NUP93: variants seen among roughly 807,000 people sequenced by gnomAD.
NUP93 encodes the protein nucleoporin 93.
Under a neutral mutation model 107.8 loss-of-function variants are expected in NUP93, and 55 were observed. The ratio of observed to expected loss-of-function variants is 0.51; its 90% CI spans 0.41 to 0.64. The LOEUF (loss-of-function observed/expected upper bound fraction) is 0.64. Ranked by LOEUF, NUP93 falls within the 30% of genes least tolerant of loss-of-function variation. NUP93 has a pLI of 0.00. For missense variants in NUP93, 937 were observed against 1,044.7 expected (o/e 0.90, Z 1.42); for synonymous variants, 390 against 397.5 (o/e 0.98, Z 0.22).
At chr16:56,823,673 C>A in intron 7 of NUP93, 34 bp from the exon 8 acceptor site, 2 of 1,609,204 alleles carry the variant, frequency 1.2e-6, no homozygotes, top group Non-Finnish European at 8.5e-7. Context: ...TCTGGCCCTG[C>A]AGCATTGTCA....
At chr16:56,750,834 T>A (rs1173590648) in intron 2 of NUP93, among the ~76,000 whole-genome samples, 1 of 152,150 alleles carries the variant, frequency 6.6e-6, no homozygotes, top group East Asian at 1.9e-4. Context: ...ATAAAATGAA[T>A]GAATACCCAT....
chr16:56,841,010 A>T (rs1964014343), intron 20 of NUP93, among the ~76,000 whole-genome samples: 2 of 152,120 alleles, frequency 1.3e-5, no homozygotes, highest in African/African-American at 4.8e-5. Context: ...AAAAAAAAAA[A>T]AAAGTTTCTA....
At chr16:56,788,776 T>C (rs1962686596) in intron 3 of NUP93, among the ~76,000 whole-genome samples, 1 of 152,206 alleles carries the variant, frequency 6.6e-6, no homozygotes, top group African/African-American at 2.4e-5. Flanking sequence ...CTTGATACTG[T>C]GGTGTAGGTA....
At chr16:56,837,574 T>C (rs202049986) in intron 17 of NUP93, 34 bp from the exon 18 acceptor site, 4 of 1,506,816 alleles carry the variant, frequency 2.7e-6, no homozygotes, top group East Asian at 4.5e-5. Flanking sequence ...GATTACTTTA[T>C]TGATTGCTTC....
intron 3 of NUP93, among the ~76,000 whole-genome samples, chr16:56,791,483 C>CT (rs1962761636): frequency 6.6e-6 from 1 of 152,170 alleles, no homozygotes; most frequent in Admixed American, 6.5e-5. Flanking sequence ...GTAGTTTTCA[C>CT]TTTTGGGAAC....
chr16:56,813,575 C>T (rs991042706), intron 5 of NUP93, among the ~76,000 whole-genome samples: 3 of 152,114 alleles, frequency 2.0e-5, no homozygotes, highest in Admixed American at 6.6e-5. Context: ...TGATCTTGTG[C>T]GCTTTTCTGA....
rs145181067 is a variant in NUP93 at position 56,732,154 on chromosome 16, G to T, written c.-15+1943G>T. Among the ~76,000 whole-genome samples, 983 of 152,194 alleles carry T rather than the reference G, an allele frequency of 6.5e-3. 18 individuals carry two copies. The highest frequency in any genetic ancestry group is 0.023 in the African/African-American group (955 of 41,540). On this transcript the variant is annotated intron_variant, in intron 1 of 21. Transcript: ENST00000308159. ...CCTAGTGAGGCTTTCCCCATTTCCC[G>T]CCTCCCTTCATTGCTTTAGTTGTTC... is the stretch of plus-strand genomic sequence containing the variant.
intron 7 of NUP93, 87 bp downstream of exon 7, chr16:56,821,680 C>A: frequency 2.6e-6 from 2 of 757,836 alleles, no homozygotes; most frequent in Non-Finnish European, 4.6e-6. Context: ...AAATGTGCTG[C>A]GGAGACACGC....
rs779103749 is a variant in NUP93 at position 56,831,987 on chromosome 16, G to A, written c.1231G>A (p.Glu411Lys). The A allele has an allele frequency of 3.1e-6, 5 of 1,614,102 alleles. No homozygotes were observed. Among genetic ancestry groups the A allele is most frequent in the Non-Finnish European group, 4.2e-6 (5 of 1,180,002 alleles). Residue 411 changes from glutamate to lysine, a missense_variant, in exon 11 of 22, where the codon GAG (glutamate) becomes AAG (lysine). By Grantham distance (56) the Glu-to-Lys change is moderately conservative. Transcript: ENST00000308159. ...DNQSEVADKT[E>K]DYLWLKLNQV... ...CCAGAGTGAAGTGGCGGACAAAACT[G>A]AGGATTACCTGTGGCTGAAGGTAGG... is the stretch of plus-strand genomic sequence containing the variant.
rs2144660597 is a variant in NUP93 at position 56,847,437 on chromosome 16, C to G, written c.*2828C>G. ...CCAGAGAAACTAAGAGAAAGTGGCACTAGGCGTCTTGTCTTCCAGATGTGA... is the reference window on the plus strand; with the variant it reads ...CCAGAGAAACTAAGAGAAAGTGGCAGTAGGCGTCTTGTCTTCCAGATGTGA... On this transcript the variant is annotated 3_prime_UTR_variant, in exon 22 of 22. Transcript: ENST00000308159. 1 of 152,176 alleles carries G rather than the reference C, an allele frequency of 6.6e-6. No homozygotes were observed. Among genetic ancestry groups the G allele is most frequent in the East Asian group, 1.9e-4 (1 of 5,198 alleles). The allele number at this position is 152,176 out of a possible 1,614,324, so 9.4% of individuals were successfully genotyped here. A position where few individuals can be genotyped will look rare whatever the true frequency, so the allele number is the denominator to read the frequency against.
At chr16:56,784,331 A>T (rs1049324946) in intron 3 of NUP93, among the ~76,000 whole-genome samples, 1 of 152,228 alleles carries the variant, frequency 6.6e-6, no homozygotes, top group African/African-American at 2.4e-5. Flanking sequence ...AATGACCTAT[A>T]ATAGCTGATT....
intron 1 of NUP93, among the ~76,000 whole-genome samples, chr16:56,735,828 C>CAA (rs58346838): frequency 0.023 from 2,481 of 106,892 alleles, 32 homozygotes; most frequent in Non-Finnish European, 0.028. Context: ...AACTCCGTCT[C>CAA]AAAAAAAAAA....
intron 5 of NUP93, among the ~76,000 whole-genome samples, chr16:56,816,664 C>G (rs1408447295): frequency 1.3e-5 from 2 of 152,176 alleles, no homozygotes; most frequent in African/African-American, 2.4e-5. Context: ...GTGTTTCCAT[C>G]TCATTGGCTA....
chr16:56,809,847 A>G (rs1460287120), intron 5 of NUP93, among the ~76,000 whole-genome samples: 1 of 152,220 alleles, frequency 6.6e-6, no homozygotes, highest in Non-Finnish European at 1.5e-5. Flanking sequence ...TCTTAGACCT[A>G]AAGATTTCAG....
intron 8 of NUP93, among the ~76,000 whole-genome samples, chr16:56,824,973 A>G (rs1383080380): frequency 6.6e-6 from 1 of 152,306 alleles, no homozygotes; most frequent in African/African-American, 2.4e-5. Context: ...CTTCAGCCAT[A>G]AAGAACCTAC....
chr16:56,789,321 T>G (rs543866839), intron 3 of NUP93, among the ~76,000 whole-genome samples: 3 of 152,368 alleles, frequency 2.0e-5, no homozygotes, highest in African/African-American at 7.2e-5. Context: ...CTGTGAGAAC[T>G]TATAGACCAT....
chr16:56,788,989 C>G (rs369346337), intron 3 of NUP93, among the ~76,000 whole-genome samples: 22 of 152,216 alleles, frequency 1.4e-4, no homozygotes, highest in African/African-American at 5.3e-4. Flanking sequence ...ATGCTGAAAT[C>G]TTTGAAGTTG....
At chr16:56,781,326 T>G (rs1426590868) in intron 3 of NUP93, among the ~76,000 whole-genome samples, 2 of 152,204 alleles carry the variant, frequency 1.3e-5, no homozygotes, top group South Asian at 4.1e-4. Context: ...TATCAAAATC[T>G]TTTAACTACT....
At chr16:56,838,785 T>C (rs1195698917) in intron 18 of NUP93, among the ~76,000 whole-genome samples, 167 bp from the exon 19 acceptor site, 1 of 151,858 alleles carries the variant, frequency 6.6e-6, no homozygotes, top group African/African-American at 2.4e-5. Context: ...GGCTGGTCAC[T>C]GACTCCTGGC....
Sources: gnomAD v4.1 joint callset for allele counts (sites outside exome capture counted in the v4.1 genomes callset) on GRCh38, gnomAD v4.1.1 for gene constraint, MANE v1.5 for transcripts, NCBI Gene and HGNC (gene_info 2026-07-23, HGNC 2026-07-21) for gene names.